DHX29: variants seen among roughly 807,000 people sequenced by gnomAD.
DHX29 encodes ATP-dependent RNA helicase DHX29.
In DHX29, 79 loss-of-function variants were observed where a neutral mutation model predicts 167.9. That is an observed-to-expected ratio of 0.47 (90% CI 0.39 to 0.57). The LOEUF is 0.57. Ranked by LOEUF, DHX29 falls within the 20% of genes least tolerant of loss-of-function variation. The pLI, the probability that DHX29 is intolerant of heterozygous loss-of-function variation, is 0.00. For missense variants in DHX29, 1,347 were observed against 1,593.4 expected, an observed-to-expected ratio of 0.85 and a Z score of 2.63; for synonymous variants, 530 against 546.0, an observed-to-expected ratio of 0.97 and a Z score of 0.41.
chr5:55,291,004 G>A (rs1221844733), intron 6 of DHX29, among the ~76,000 whole-genome samples: 1 of 152,034 alleles, frequency 6.6e-6, no homozygotes, highest in African/African-American at 2.4e-5. Context: ...GACAAAGCAA[G>A]ACTCTGTCTC....
chr5:55,262,192 A>G (rs940408086), intron 24 of DHX29, among the ~76,000 whole-genome samples: 5 of 152,176 alleles, frequency 3.3e-5, no homozygotes, highest in Non-Finnish European at 7.4e-5. Context: ...TAATCTATAA[A>G]TATTTGCTAT....
chr5:55,265,549 A>T (rs1169861617), intron 23 of DHX29, among the ~76,000 whole-genome samples: 1 of 152,194 alleles, frequency 6.6e-6, no homozygotes, highest in African/African-American at 2.4e-5. Context: ...TCTTCAAAAA[A>T]TAAATGGCAA....
At chr5:55,261,304 G>T in intron 25 of DHX29, 64 bp downstream of exon 25, 1 of 784,292 alleles carries the variant, frequency 1.3e-6, no homozygotes, top group Non-Finnish European at 2.0e-6. Flanking sequence ...TTTAAAAAAT[G>T]TACCTCAATG....
At chr5:55,271,130 T>A (rs1440925069) in intron 18 of DHX29, among the ~76,000 whole-genome samples, 2 of 152,240 alleles carry the variant, frequency 1.3e-5, no homozygotes, top group Non-Finnish European at 2.9e-5. Flanking sequence ...AATCTACTTT[T>A]TATTGAATGG....
intron 23 of DHX29, among the ~76,000 whole-genome samples, chr5:55,263,735 AG>A (rs1486117072): frequency 6.9e-6 from 1 of 144,934 alleles, no homozygotes; most frequent in African/African-American, 2.5e-5. Context: ...TTGAAGAAAT[AG>A]CCCCCTCTGG....
chr5:55,299,984 G>A (rs1301688269), intron 1 of DHX29, among the ~76,000 whole-genome samples: 1 of 152,108 alleles, frequency 6.6e-6, no homozygotes, highest in Non-Finnish European at 1.5e-5. Flanking sequence ...AAATTACTGA[G>A]GATCCAAATA....
At chr5:55,283,988 T>C (rs1443611349) in intron 10 of DHX29, among the ~76,000 whole-genome samples, 177 bp from the exon 11 acceptor site, 1 of 152,214 alleles carries the variant, frequency 6.6e-6, no homozygotes, top group Non-Finnish European at 1.5e-5. Flanking sequence ...TTGATAGCTA[T>C]ATTCATCTTA....
chr5:55,266,566 T>C (rs1746586355), intron 23 of DHX29, among the ~76,000 whole-genome samples: 2 of 151,580 alleles, frequency 1.3e-5, no homozygotes, highest in African/African-American at 4.8e-5. Flanking sequence ...TTTTTTTTAA[T>C]GAAAAACTGA....
intron 23 of DHX29, among the ~76,000 whole-genome samples, chr5:55,265,041 T>C (rs1208833284): frequency 1.3e-5 from 2 of 150,080 alleles, no homozygotes; most frequent in African/African-American, 4.9e-5. Flanking sequence ...GCTGGCCCCA[T>C]TGATATATCT....
At chr5:55,291,672 C>CT (rs1338671772) in intron 6 of DHX29, among the ~76,000 whole-genome samples, 1 of 152,190 alleles carries the variant, frequency 6.6e-6, no homozygotes, top group Non-Finnish European at 1.5e-5. Flanking sequence ...TTAAGCATAA[C>CT]TACCCATTCT....
At position 55,262,947 on chromosome 5, in the gene DHX29, G is replaced by C; in HGVS notation, c.3526-15C>G. 6.4e-7 allele frequency: 1 copy of C among 1,572,642 alleles called. No homozygotes were observed. ...TGCTTTACATCCTAGATTGGTTTAT[G>C]TTAAAAACACAAATAATCAAATTGA... On this transcript the variant is annotated splice_polypyrimidine_tract_variant and intron_variant, in intron 23 of 26. Transcript: ENST00000251636.
chr5:55,287,938 GA>G (rs1247600043), intron 8 of DHX29, among the ~76,000 whole-genome samples: 508 of 81,710 alleles, frequency 6.2e-3, no homozygotes, highest in Middle Eastern at 0.014. Flanking sequence ...TGGAAAAAAA[GA>G]AAAAAAAAAA....
intron 5 of DHX29, chr5:55,294,821 C>T (rs1482315396): frequency 6.5e-6 from 1 of 152,844 alleles, no homozygotes; most frequent in East Asian, 1.9e-4. Context: ...TCACACTCAT[C>T]TGTAATTTTC....
In DHX29 at chr5:55,276,328, C is replaced by T; in HGVS notation, c.2365G>A (p.Glu789Lys). The change falls in exon 14 of 27, where the codon GAA becomes AAA. Residue 789 changes from glutamate to lysine, a missense_variant. By Grantham distance (56) the Glu-to-Lys change is moderately conservative (BLOSUM62 1). This residue lies in a region of DHX29 where 882 missense variants were observed against 1,082.4 expected (regional missense o/e 0.81). Transcript: ENST00000251636. ...KDSEYCQKFLEEEEEVTINVT... is the reference protein window; with the variant it reads ...KDSEYCQKFLKEEEEVTINVT... ...TTAATGGTTACTTCTTCTTCCTCTT[C>T]CAGAAATTTCTGACAATATTCTGAG... 1 of 1,604,298 alleles carries T rather than the reference C, an allele frequency of 6.2e-7. No homozygotes were observed. Among genetic ancestry groups the T allele is most frequent in the Non-Finnish European group, 8.5e-7 (1 of 1,176,506 alleles).
intron 11 of DHX29, among the ~76,000 whole-genome samples, chr5:55,282,184 A>C (rs1269057272): frequency 2.0e-5 from 3 of 152,206 alleles, no homozygotes; most frequent in Admixed American, 2.0e-4. Context: ...ATGTTGAATT[A>C]ATTTCTTCCT....
At position 55,277,164 on chromosome 5, in the gene DHX29, G is replaced by A; in HGVS notation, c.2228C>T (p.Ser743Phe). ...MSATVDSEKF[S>F]TYFTHCPILR... ...AATGGGGCAGTGTGTGAAATATGTAGAAAATTTTTCGCTGTCCACAGTGGC... is the reference window on the plus strand; with the variant it reads ...AATGGGGCAGTGTGTGAAATATGTAAAAAATTTTTCGCTGTCCACAGTGGC... Residue 743 changes from serine (S) to phenylalanine (F), a missense_variant, in exon 13 of 27, where the codon TCT (serine) becomes TTT (phenylalanine). Ser to Phe is a radical substitution (Grantham distance 155). Transcript: ENST00000251636. 1 of 1,612,810 alleles carries A rather than the reference G, an allele frequency of 6.2e-7. No homozygotes were observed. The highest frequency in any genetic ancestry group is 1.3e-5 in the African/African-American group (1 of 75,022).
At chr5:55,261,906 T>C (rs1319023053) in intron 24 of DHX29, among the ~76,000 whole-genome samples, 1 of 152,142 alleles carries the variant, frequency 6.6e-6, no homozygotes, top group Non-Finnish European at 1.5e-5. Flanking sequence ...TTGATAAATG[T>C]TGAGAGTTAT....
rs1055895347 is a variant in DHX29, at chr5:55,285,398, A to G, written c.1251T>C (p.Ser417=). ...GGCATACTACCAGGACATCATCTTC[A>G]GACTTGATTACCCTAACCCTACAAA... ...YWKCRVRVIK[S]EDDVLVVCPT... is the part of the protein sequence containing the mutation. The change falls in exon 10 of 27, where the codon TCT becomes TCC. Residue 417 remains serine (S), a synonymous_variant. Transcript: ENST00000251636. 1 of 1,613,374 alleles carries G rather than the reference A, an allele frequency of 6.2e-7. No homozygotes were observed. The highest frequency in any genetic ancestry group is 1.3e-5 in the African/African-American group (1 of 74,926).
chr5:55,302,378 T>C lies in DHX29; in HGVS notation c.188-3714A>G, dbSNP rs1319365333. 2.0e-5 allele frequency among the ~76,000 whole-genome samples: 3 copies of C among 152,148 alleles called. No homozygotes were observed. The East Asian group carries it at 5.8e-4, about 29-fold the overall frequency. On this transcript the variant is annotated intron_variant, in intron 1 of 26. Transcript: ENST00000251636. ...ACATGGAGAAACAGTTCAAAGTTCATATGCTACTGACAAGAGTAAGACTGT... is the reference window on the plus strand; with the variant it reads ...ACATGGAGAAACAGTTCAAAGTTCACATGCTACTGACAAGAGTAAGACTGT...
Sources: allele counts gnomAD v4.1 joint callset (sites outside exome capture counted in the v4.1 genomes callset), GRCh38; gene constraint gnomAD v4.1.1; regional missense constraint gnomAD v4.1.1; transcripts MANE v1.5; gene names NCBI Gene and HGNC (gene_info 2026-07-23, HGNC 2026-07-21).